The following UMODL1 variants were observed in gnomAD, a reference collection of about 807,000 sequenced individuals.
UMODL1 encodes the protein uromodulin like 1, also known as uromodulin-like 1.
A neutral mutation model predicts 136.3 loss-of-function variants in UMODL1; 128 were observed. The ratio of observed to expected loss-of-function variants is 0.94; its 90% CI spans 0.81 to 1.09. The LOEUF is 1.09. Among genes scored for constraint, UMODL1 ranks in the 50% least tolerant of loss-of-function variants. The pLI, the probability that UMODL1 is intolerant of heterozygous loss-of-function variation, is 0.00. For synonymous variants in UMODL1, 721 were observed against 720.0 expected (o/e 1.00, Z -0.02); for missense variants, 1,766 against 1,725.6 (o/e 1.02, Z -0.41).
intron 10 of UMODL1, among the ~76,000 whole-genome samples, chr21:42,110,334 C>G (rs1326494789): frequency 1.3e-5 from 2 of 152,252 alleles, no homozygotes; most frequent in East Asian, 3.8e-4. Context: ...ACTGGCTTGC[C>G]AGCCCCTGCT....
intron 2 of UMODL1, among the ~76,000 whole-genome samples, chr21:42,079,749 C>G (rs553755101): frequency 1.3e-5 from 2 of 152,196 alleles, no homozygotes; most frequent in Non-Finnish European, 2.9e-5. Flanking sequence ...GGGAGGCCCG[C>G]GCCTCCACCA....
chr21:42,105,374 C>T (rs1346001035), intron 9 of UMODL1, among the ~76,000 whole-genome samples: 1 of 152,220 alleles, frequency 6.6e-6, no homozygotes, highest in Non-Finnish European at 1.5e-5. Context: ...TGCCTCCCTC[C>T]TCCCATCCTC....
chr21:42,099,247 C>T lies in UMODL1; in HGVS notation c.1186+67C>T, dbSNP rs1403936558. Reference sequence around the variant, plus strand: ...GTCTTTCTATCCCAGGTCTGTGGCCCTAGCATGTCGCGTTCTTCTTCCTAT... The same window carrying T: ...GTCTTTCTATCCCAGGTCTGTGGCCTTAGCATGTCGCGTTCTTCTTCCTAT... On this transcript the variant is annotated intron_variant, in intron 7 of 22. Coordinates refer to ENST00000408910, the MANE Select transcript of UMODL1 (RefSeq NM_001004416.3). This position sits in a 1 kb window ranked among gnomAD's most constrained non-coding sequence, Gnocchi z 4.1. 2.5e-6 allele frequency: 4 copies of T among 1,569,274 alleles called. No homozygotes were observed. In the African/African-American group the frequency reaches 4.1e-5, roughly 16 times the overall value.
At position 42,122,471 on chromosome 21, in the gene UMODL1, G is replaced by A. The variant is rs1187833251; in HGVS notation, c.2828-360G>A. On this transcript the variant is annotated intron_variant, in intron 16 of 22. Transcript: ENST00000408910. The surrounding 1 kb of genome is among the most constrained non-coding windows in gnomAD (Gnocchi z 4.3). ...GCACATCCCCGGCATCAGGTCCCTCGGTCCTTGGCCCTCGGGGGCCCATGG... is the reference window on the plus strand; with the variant it reads ...GCACATCCCCGGCATCAGGTCCCTCAGTCCTTGGCCCTCGGGGGCCCATGG... Among the ~76,000 whole-genome samples the A allele has an allele frequency of 9.8e-5, 15 of 152,320 alleles. No individual in the cohort carries two copies. The highest frequency in any genetic ancestry group is 6.5e-4 in the Admixed American group (10 of 15,312).
intron 2 of UMODL1, among the ~76,000 whole-genome samples, chr21:42,076,846 T>G (rs2146422522): frequency 6.6e-6 from 1 of 152,278 alleles, no homozygotes; most frequent in East Asian, 1.9e-4. Context: ...TCCCAGTTCC[T>G]CAGTGCAGTT....
At chr21:42,117,083 G>GAAA (rs35005920) in intron 14 of UMODL1, among the ~76,000 whole-genome samples, 37 of 148,876 alleles carry the variant, frequency 2.5e-4, no homozygotes, top group Admixed American at 4.0e-4. Context: ...CTCAAAAACA[G>GAAA]AAAAAAAAAA....
intron 21 of UMODL1, among the ~76,000 whole-genome samples, chr21:42,132,616 C>T (rs180937006): frequency 6.6e-6 from 1 of 151,670 alleles, no homozygotes; most frequent in Non-Finnish European, 1.5e-5. Flanking sequence ...ATCCATCTAT[C>T]CATCCACCCA....
upstream of UMODL1, among the ~76,000 whole-genome samples, chr21:42,068,123 G>T (rs558361766): frequency 2.6e-5 from 4 of 152,264 alleles, no homozygotes; most frequent in African/African-American, 4.8e-5. The surrounding 1 kb of genome is among the most constrained non-coding windows in gnomAD (Gnocchi z 5.5). Context: ...GGATGTGGTC[G>T]TTCCAGCAGG....
intron 17 of UMODL1, among the ~76,000 whole-genome samples, chr21:42,125,948 G>A (rs1044833917): frequency 1.3e-5 from 2 of 152,230 alleles, no homozygotes; most frequent in African/African-American, 4.8e-5. Context: ...ACCAATGCTT[G>A]GCTTGATTAT....
At position 42,123,236 on chromosome 21, in the gene UMODL1, C is replaced by A; in HGVS notation, c.3147+86C>A. Reference sequence around the variant, plus strand: ...TGGGCCTCGATGTGGGAGGGCCAGGCAAGACTCTGCACCCCGAGGGGAACC... The same window carrying A: ...TGGGCCTCGATGTGGGAGGGCCAGGAAAGACTCTGCACCCCGAGGGGAACC... On this transcript the variant is annotated intron_variant, in intron 17 of 22. Transcript: ENST00000408910. This position sits in a 1 kb window ranked among gnomAD's most constrained non-coding sequence, Gnocchi z 4.4. 6.9e-7 allele frequency: 1 copy of A among 1,443,140 alleles called. No homozygotes were observed. Among genetic ancestry groups the A allele is most frequent in the Non-Finnish European group, 9.3e-7 (1 of 1,072,158 alleles). 89.4% of individuals were successfully genotyped at this position (1,443,140 alleles called of 1,614,324 possible).
intron 21 of UMODL1, among the ~76,000 whole-genome samples, chr21:42,131,064 C>T (rs1359475346): frequency 3.3e-5 from 5 of 152,142 alleles, no homozygotes; most frequent in African/African-American, 7.2e-5. Flanking sequence ...TTGCCCACCT[C>T]GGCCTCCCAA....
rs376324913 is a variant in UMODL1 at position 42,137,543 on chromosome 21, C to A, written c.3880C>A (p.Arg1294Ser). The change falls in exon 22 of 23, where the codon CGC becomes AGC. Residue 1294 changes from arginine to serine, a missense_variant. Physicochemically the swap from Arg to Ser is moderately radical, Grantham distance 110. Transcript: ENST00000408910. ...GGGAACAGCCACCCTTCTGATCGTG[C>A]GCTACCAGAGAATGAATGGGAGATA... is the stretch of plus-strand genomic sequence containing the variant. ...VAGTATLLIV[R>S]YQRMNGRYNF... 1 of 1,614,208 alleles carries A rather than the reference C, an allele frequency of 6.2e-7. No individual in the cohort carries two copies. The highest frequency in any genetic ancestry group is 1.1e-5 in the South Asian group (1 of 91,088).
At chr21:42,114,375 T>C (rs1279378484) in intron 13 of UMODL1, among the ~76,000 whole-genome samples, 1 of 152,256 alleles carries the variant, frequency 6.6e-6, no homozygotes, top group African/African-American at 2.4e-5. Flanking sequence ...GAAATTCCTC[T>C]TTTCTTTTCA....
intron 1 of UMODL1, among the ~76,000 whole-genome samples, chr21:42,065,300 G>C (rs994762821): frequency 1.3e-5 from 2 of 152,156 alleles, no homozygotes; most frequent in Admixed American, 1.3e-4. Flanking sequence ...CAGTTATTGC[G>C]TTTCAGTTCA....
intron 20 of UMODL1, chr21:42,128,181 A>G: frequency 5.5e-6 from 2 of 363,446 alleles, no homozygotes; most frequent in South Asian, 4.5e-5. Context: ...TTTAAATATT[A>G]TTTTTAACAA....
intron 15 of UMODL1, 143 bp from the exon 16 acceptor site, chr21:42,120,944 C>T: frequency 9.2e-7 from 1 of 1,083,788 alleles, no homozygotes; most frequent in African/African-American, 1.6e-5. Flanking sequence ...CTGTACTTTC[C>T]AGAACTGGTG....
chr21:42,092,546 C>T (rs2066504419), intron 6 of UMODL1, among the ~76,000 whole-genome samples: 1 of 152,188 alleles, frequency 6.6e-6, no homozygotes, highest in Non-Finnish European at 1.5e-5. Context: ...CTTTCTAAAG[C>T]AATCATATAA....
intron 21 of UMODL1, among the ~76,000 whole-genome samples, chr21:42,134,270 C>T (rs896145341): frequency 6.6e-6 from 1 of 152,224 alleles, no homozygotes; most frequent in Non-Finnish European, 1.5e-5. Flanking sequence ...AGAAAGAATC[C>T]ATTCGGGCAT....
intron 9 of UMODL1, among the ~76,000 whole-genome samples, chr21:42,107,693 C>A (rs1033346665): frequency 1.3e-5 from 2 of 152,176 alleles, no homozygotes; most frequent in Non-Finnish European, 2.9e-5. Flanking sequence ...TGGAGGACGC[C>A]CTGGGCCCTG....
Sources: allele counts gnomAD v4.1 joint callset (sites outside exome capture counted in the v4.1 genomes callset), GRCh38; gene constraint gnomAD v4.1.1; non-coding constraint Gnocchi (gnomAD v3.1); transcripts MANE v1.5; gene names NCBI Gene and HGNC (gene_info 2026-07-23, HGNC 2026-07-21).